Variants in COL26A1 observed in about 807,000 individuals in gnomAD.
COL26A1 encodes collagen type XXVI alpha 1 chain.
Under a neutral mutation model 59.3 loss-of-function variants are expected in COL26A1, and 41 were observed. That is an observed-to-expected ratio of 0.69 (90% CI 0.54 to 0.90). The LOEUF (loss-of-function observed/expected upper bound fraction) is 0.90, where lower values mean the gene tolerates loss of function less well. COL26A1 is among the 40% of genes least tolerant of loss of function. The pLI, the probability that COL26A1 is intolerant of heterozygous loss-of-function variation, is 0.00. For synonymous variants in COL26A1, 266 were observed against 256.0 expected (o/e 1.04, Z -0.37); for missense variants, 612 against 602.3 (o/e 1.02, Z -0.17).
chr7:101,531,311 C>G (rs1315945217), intron 3 of COL26A1, among the ~76,000 whole-genome samples: 1 of 152,202 alleles, frequency 6.6e-6, no homozygotes, highest in East Asian at 1.9e-4. Flanking sequence ...TGAGAGGAAA[C>G]AGAAGGGAAC....
At chr7:101,506,923 C>T (rs1794823059) in intron 3 of COL26A1, among the ~76,000 whole-genome samples, 1 of 144,424 alleles carries the variant, frequency 6.9e-6, no homozygotes, top group African/African-American at 2.9e-5. Flanking sequence ...TCCCTAGAAC[C>T]ACTCCTTTTT....
chr7:101,376,515 T>C (rs907898352), intron 1 of COL26A1, among the ~76,000 whole-genome samples: 2 of 152,172 alleles, frequency 1.3e-5, no homozygotes, highest in Non-Finnish European at 2.9e-5. Context: ...AATGTCCTGA[T>C]AGGTTTCCGG....
chr7:101,538,261 G>A (rs1175933791), intron 4 of COL26A1, among the ~76,000 whole-genome samples: 2 of 152,190 alleles, frequency 1.3e-5, no homozygotes, highest in Non-Finnish European at 2.9e-5. Flanking sequence ...TCTCCTCCTG[G>A]AGATTCAGGA....
chr7:101,440,638 T>A (rs1793034413), intron 2 of COL26A1, among the ~76,000 whole-genome samples: 1 of 152,088 alleles, frequency 6.6e-6, no homozygotes, highest in African/African-American at 2.4e-5. Context: ...CAGAGTGGCA[T>A]GGGCCAAGCC....
intron 2 of COL26A1, among the ~76,000 whole-genome samples, chr7:101,435,555 C>A (rs1350955757): frequency 6.6e-6 from 1 of 152,190 alleles, no homozygotes; most frequent in Non-Finnish European, 1.5e-5. Flanking sequence ...TGGAGTGGAT[C>A]ACAGCCCCGG....
At chr7:101,544,428 T>G (rs1290135132) in intron 6 of COL26A1, among the ~76,000 whole-genome samples, 1 of 151,876 alleles carries the variant, frequency 6.6e-6, no homozygotes, top group East Asian at 1.9e-4. Context: ...GATTTCACCA[T>G]GTTGGTCAGG....
At chr7:101,407,085 G>T (rs114185925) in intron 1 of COL26A1, among the ~76,000 whole-genome samples, 1 of 152,180 alleles carries the variant, frequency 6.6e-6, no homozygotes, top group East Asian at 1.9e-4. Context: ...TATCCTGCTC[G>T]CCCCTTCAAG....
At chr7:101,456,300 C>T (rs1339717485) in intron 3 of COL26A1, among the ~76,000 whole-genome samples, 6 of 151,588 alleles carry the variant, frequency 4.0e-5, no homozygotes, top group Non-Finnish European at 8.8e-5. Flanking sequence ...CAACCTTGAC[C>T]TCCCAGGCTC....
intron 3 of COL26A1, among the ~76,000 whole-genome samples, chr7:101,489,498 A>G (rs1235950180): frequency 3.3e-5 from 5 of 152,152 alleles, no homozygotes; most frequent in Admixed American, 6.6e-5. Flanking sequence ...GAAACAATTC[A>G]TAGCTCACCT....
intron 3 of COL26A1, among the ~76,000 whole-genome samples, chr7:101,482,185 T>C (rs572161522): frequency 2.6e-5 from 4 of 152,290 alleles, no homozygotes; most frequent in African/African-American, 9.6e-5. Context: ...TTTTGTATTT[T>C]TTAGTAGAGA....
At chr7:101,512,974 T>C (rs934613261) in intron 3 of COL26A1, among the ~76,000 whole-genome samples, 10 of 151,052 alleles carry the variant, frequency 6.6e-5, no homozygotes, top group African/African-American at 2.4e-4. Context: ...TGTGAGACAT[T>C]AAAAGCCTCC....
chr7:101,525,234 T>A (rs1471940828), intron 3 of COL26A1, among the ~76,000 whole-genome samples: 3 of 136,670 alleles, frequency 2.2e-5, no homozygotes, highest in African/African-American at 5.6e-5. Context: ...CAGGCTGGAA[T>A]GCAGTGGCGT....
intron 1 of COL26A1, among the ~76,000 whole-genome samples, chr7:101,384,230 G>GTTTTTGTT (rs768170962): frequency 7.6e-5 from 8 of 105,684 alleles, no homozygotes; most frequent in African/African-American, 2.4e-4. Context: ...GTTCAGGCTG[G>GTTTTTGTT]TTTTTTTTTT....
Position 101,545,482 on chromosome 7 carries a change from A to G in COL26A1, c.848A>G (p.Asp283Gly), listed in dbSNP as rs774181493. The change falls in exon 7 of 13, where the codon GAC (aspartate) becomes GGC (glycine). Residue 283 changes from aspartate (D) to glycine (G), a missense_variant. Asp to Gly is a moderately conservative substitution (Grantham distance 94). Transcript: ENST00000313669. ...GALYSLQPPTDKDNGDSRLAS... is the reference protein window; with the variant it reads ...GALYSLQPPTGKDNGDSRLAS... ...CTCTACTCCCTGCAGCCGCCTACAG[A>G]CAAAGACAGTGAGTAATGCCCCTGG... 4 of 1,605,252 alleles carry G rather than the reference A, an allele frequency of 2.5e-6. No homozygotes were observed. The Admixed American group carries it at 5.1e-5, about 21-fold the overall frequency.
intron 2 of COL26A1, among the ~76,000 whole-genome samples, chr7:101,429,006 T>C (rs565308151): frequency 6.6e-6 from 1 of 151,180 alleles, no homozygotes; most frequent in Non-Finnish European, 1.5e-5. Context: ...CTCACTGCAA[T>C]CTCTGCCTCC....
intron 3 of COL26A1, among the ~76,000 whole-genome samples, chr7:101,495,638 C>T (rs933180680): frequency 6.6e-6 from 1 of 151,252 alleles, no homozygotes; most frequent in African/African-American, 2.4e-5. Flanking sequence ...CCAGAATGGT[C>T]TCAATCTCCT....
chr7:101,448,175 A>G (rs900400789), intron 3 of COL26A1, among the ~76,000 whole-genome samples: 9 of 152,230 alleles, frequency 5.9e-5, no homozygotes, highest in African/African-American at 1.9e-4. Flanking sequence ...AGGTCCCACC[A>G]GCCTTGAGGC....
At chr7:101,415,672 C>A (rs1792355386) in intron 1 of COL26A1, among the ~76,000 whole-genome samples, 2 of 152,128 alleles carry the variant, frequency 1.3e-5, no homozygotes, top group South Asian at 4.1e-4. Flanking sequence ...GCTCTGTCAT[C>A]CAGACTGGAG....
At chr7:101,488,246 A>G (rs1584453231) in intron 3 of COL26A1, among the ~76,000 whole-genome samples, 1 of 149,184 alleles carries the variant, frequency 6.7e-6, no homozygotes, top group African/African-American at 2.5e-5. Flanking sequence ...GCGCCACTAC[A>G]CTCCAGCCTT....
Sources: gnomAD v4.1 joint callset for allele counts (sites outside exome capture counted in the v4.1 genomes callset) on GRCh38, gnomAD v4.1.1 for gene constraint, MANE v1.5 for transcripts, NCBI Gene and HGNC (gene_info 2026-07-23, HGNC 2026-07-21) for gene names.